The following SLC66A2 variants were observed in gnomAD, a reference collection of about 807,000 sequenced individuals.
The protein encoded by SLC66A2 is PQ loop repeat containing 1.
A neutral mutation model predicts 25.5 loss-of-function variants in SLC66A2; 23 were observed. The ratio of observed to expected loss-of-function variants is 0.90; its 90% CI spans 0.65 to 1.28. The LOEUF (loss-of-function observed/expected upper bound fraction) is 1.28, where lower values mean the gene tolerates loss of function less well. SLC66A2 is among the 50% of genes most tolerant of loss of function. SLC66A2 has a pLI of 0.00. For synonymous variants in SLC66A2, 193 were observed against 166.5 expected, an observed-to-expected ratio of 1.16 and a Z score of -1.23; for missense variants, 396 against 373.1, an observed-to-expected ratio of 1.06 and a Z score of -0.51.
Position 79,903,866 on chromosome 18 carries a change from C to T in SLC66A2, c.*110G>A. 1.1e-6 allele frequency: 1 copy of T among 947,052 alleles called. No individual in the cohort carries two copies. The highest frequency in any genetic ancestry group is 1.6e-6 in the Non-Finnish European group (1 of 638,972). 58.7% of individuals were successfully genotyped at this position (947,052 alleles called of 1,614,324 possible). On this transcript the variant is annotated 3_prime_UTR_variant, in exon 6 of 6. Transcript: ENST00000397778. Reference sequence around the variant, plus strand: ...GCTGATGGAGACCCCAATGCCCATGCCCCATCTCTGCCACACCTGCAGGGG... The same window carrying T: ...GCTGATGGAGACCCCAATGCCCATGTCCCATCTCTGCCACACCTGCAGGGG...
At chr18:79,929,964 G>C (rs1986393740) in intron 4 of SLC66A2, among the ~76,000 whole-genome samples, 1 of 152,160 alleles carries the variant, frequency 6.6e-6, no homozygotes, top group African/African-American at 2.4e-5. Flanking sequence ...AAGGTGGGAT[G>C]ACAGGAAAGG....
Position 79,903,494 on chromosome 18 carries a change from C to G in SLC66A2, c.*482G>C, listed in dbSNP as rs1981537738. 2 of 163,316 alleles carry G rather than the reference C, an allele frequency of 1.2e-5. No individual in the cohort carries two copies. Among genetic ancestry groups the G allele is most frequent in the Non-Finnish European group, 2.6e-5 (2 of 76,142 alleles). The allele number at this position is 163,316 out of a possible 1,614,324, so 10.1% of individuals were successfully genotyped here. A position where few individuals can be genotyped will look rare whatever the true frequency, so the allele number is the denominator to read the frequency against. Reference sequence around the variant, plus strand: ...CCCCAGCCCTCCCCCGTGCCAGACCCCTGGGTAGCAGAGGCCACCCCAGTC... The same window carrying G: ...CCCCAGCCCTCCCCCGTGCCAGACCGCTGGGTAGCAGAGGCCACCCCAGTC... On this transcript the variant is annotated 3_prime_UTR_variant, in exon 6 of 6. Coordinates refer to ENST00000397778, the MANE Select transcript of SLC66A2 (RefSeq NM_025078.5).
chr18:79,939,344 G>A lies in SLC66A2; in HGVS notation c.337+3985C>T, dbSNP rs552012229. Reference sequence around the variant, plus strand: ...CCCTTGGCATGTCCTCACCCTCAGGGTGAGGCTCAAGAATGTACTTGGCAA... The same window carrying A: ...CCCTTGGCATGTCCTCACCCTCAGGATGAGGCTCAAGAATGTACTTGGCAA... On this transcript the variant is annotated intron_variant, in intron 3 of 5. Transcript: ENST00000397778. Among the ~76,000 whole-genome samples the A allele has an allele frequency of 2.3e-4, 35 of 152,274 alleles. No individual in the cohort carries two copies. The South Asian group carries it at 7.3e-3, about 32-fold the overall frequency.
chr18:79,943,478 T>C lies in SLC66A2; in HGVS notation c.204-16A>G, dbSNP rs748544005. ...CCTTCCAAACCTGCGGGAGAGACAC[T>C]GTGTCAGGAGGGAGGTCCACCCATG... On this transcript the variant is annotated splice_polypyrimidine_tract_variant and intron_variant, in intron 2 of 5. Coordinates refer to ENST00000397778, the MANE Select transcript of SLC66A2 (RefSeq NM_025078.5). 2 of 1,610,680 alleles carry C rather than the reference T, an allele frequency of 1.2e-6. No homozygotes were observed. The highest frequency in any genetic ancestry group is 3.3e-5 in the Admixed American group (2 of 59,756).
intron 5 of SLC66A2, among the ~76,000 whole-genome samples, chr18:79,909,676 T>TC (rs1568292331): frequency 1.3e-4 from 10 of 79,162 alleles, no homozygotes; most frequent in East Asian, 4.5e-4. Flanking sequence ...TTCCCCACCA[T>TC]CTCACAACAG....
intron 5 of SLC66A2, among the ~76,000 whole-genome samples, chr18:79,906,206 G>GT (rs1355936974): frequency 6.6e-6 from 1 of 152,122 alleles, no homozygotes; most frequent in South Asian, 2.1e-4. Flanking sequence ...TTTCAGTTTG[G>GT]TTTTTTATGT....
chr18:79,951,015 G>C lies in SLC66A2; in HGVS notation c.-89C>G. The stretch of plus-strand genomic sequence containing the variant: ...TCATCGCCGCTCCGCGCGCTCCTGC[G>C]GCCTCGGGGCCTGCGGGGAGCGGGG... On this transcript the variant is annotated 5_prime_UTR_variant, in exon 2 of 6. Coordinates refer to ENST00000397778, the MANE Select transcript of SLC66A2 (RefSeq NM_025078.5). The C allele has an allele frequency of 1.0e-6, 1 of 996,230 alleles. No individual in the cohort carries two copies. Among genetic ancestry groups the C allele is most frequent in the South Asian group, 2.5e-5 (1 of 40,582 alleles). The allele number at this position is 996,230 out of a possible 1,614,324, so 61.7% of individuals were successfully genotyped here. A position where few individuals can be genotyped will look rare whatever the true frequency, so the allele number is the denominator to read the frequency against.
In SLC66A2 at chr18:79,926,931, C is replaced by T. The variant is rs138053475; in HGVS notation, c.391+7038G>A. Among the ~76,000 whole-genome samples, 476 of 152,240 alleles carry T rather than the reference C, an allele frequency of 3.1e-3. 2 individuals carry two copies. Among genetic ancestry groups the T allele is most frequent in the Non-Finnish European group, 5.7e-3 (389 of 68,014 alleles). On this transcript the variant is annotated intron_variant, in intron 4 of 5. Coordinates refer to ENST00000397778, the MANE Select transcript of SLC66A2 (RefSeq NM_025078.5). ...AGCACTTTGGCGCTCCCTGGAGTGA[C>T]GGCCATTCCCAGCAGCTAAACTGTA...
chr18:79,948,377 C>T (rs1161557996), intron 2 of SLC66A2, among the ~76,000 whole-genome samples: 1 of 152,144 alleles, frequency 6.6e-6, no homozygotes, highest in Non-Finnish European at 1.5e-5. Flanking sequence ...TTTTTTGAGA[C>T]AGGGTCTCTC....
intron 5 of SLC66A2, among the ~76,000 whole-genome samples, chr18:79,914,047 T>C (rs1048872997): frequency 1.3e-5 from 2 of 152,184 alleles, no homozygotes; most frequent in Non-Finnish European, 2.9e-5. Flanking sequence ...TAGCTGGGAT[T>C]ACAGACGCCT....
chr18:79,910,705 C>T (rs1982982886), intron 5 of SLC66A2, among the ~76,000 whole-genome samples: 2 of 152,160 alleles, frequency 1.3e-5, no homozygotes. Context: ...AACGTGGCAC[C>T]CCGGAGAATC....
intron 5 of SLC66A2, among the ~76,000 whole-genome samples, chr18:79,913,995 G>A (rs939023015): frequency 2.6e-5 from 4 of 152,198 alleles, no homozygotes; most frequent in Non-Finnish European, 2.9e-5. Context: ...TGCAACCTCC[G>A]CCCCCCAGGT....
intron 5 of SLC66A2, 86 bp downstream of exon 5, chr18:79,919,096 GAC>G: frequency 1.7e-6 from 2 of 1,194,918 alleles, no homozygotes; most frequent in Middle Eastern, 5.3e-4. Context: ...TACACAGCCA[GAC>G]ACACAGGCGT....
rs1404135550 is a variant in SLC66A2, at chr18:79,937,021, G to C, written c.338-2999C>G. On this transcript the variant is annotated intron_variant, in intron 3 of 5. Coordinates refer to ENST00000397778, the MANE Select transcript of SLC66A2 (RefSeq NM_025078.5). This position sits in a 1 kb window ranked among gnomAD's most constrained non-coding sequence, Gnocchi z 5.4. The stretch of plus-strand genomic sequence containing the variant: ...AGAAGGGAGGCAGAGCTCAGGCTAA[G>C]CGACACAGCCAGGCCTGGAGGTTTG... 6.6e-6 allele frequency among the ~76,000 whole-genome samples: 1 copy of C among 152,180 alleles called. No homozygotes were observed. The highest frequency in any genetic ancestry group is 1.5e-5 in the Non-Finnish European group (1 of 68,034).
chr18:79,925,520 A>G (rs12968139), intron 4 of SLC66A2, among the ~76,000 whole-genome samples: 56,204 of 152,164 alleles, frequency 0.37, 11,698 homozygotes, highest in East Asian at 0.49. Context: ...CCACCCTGGC[A>G]TGCACTGAGC....
At position 79,921,825 on chromosome 18, in the gene SLC66A2, GGTCAGAGGAGGAGAGACAGGA is replaced by G. The variant is rs1357608557; in HGVS notation, c.392-2446_392-2426del. ...AGACAGGAACCGAGGGAGAGGTCAG[GGTCAGAGGAGGAGAGACAGGA>G]ACCGAGGGAGAGGTCAAGGTCAGTG... On this transcript the variant is annotated intron_variant, in intron 4 of 5. Coordinates refer to ENST00000397778, the MANE Select transcript of SLC66A2 (RefSeq NM_025078.5). Among the ~76,000 whole-genome samples, 30 of 22,552 alleles carry G rather than the reference GGTCAGAGGAGGAGAGACAGGA, an allele frequency of 1.3e-3. 9 individuals carry two copies. Among genetic ancestry groups the G allele is most frequent in the African/African-American group, 2.5e-3 (30 of 11,768 alleles). 14.8% of individuals were successfully genotyped at this position (22,552 alleles called of 152,430 possible).
chr18:79,904,925 C>T lies in SLC66A2; in HGVS notation c.609-742G>A, dbSNP rs1221038625. ...CCAGAGGCAGAGCCTGGGTGGGGAG[C>T]GCTGCCTGGACAGAAAGGACAGGAC... On this transcript the variant is annotated intron_variant, in intron 5 of 5. Transcript: ENST00000397778. This position sits in a 1 kb window ranked among gnomAD's most constrained non-coding sequence, Gnocchi z 6.3. Among the ~76,000 whole-genome samples the T allele has an allele frequency of 1.3e-5, 2 of 152,164 alleles. No homozygotes were observed. The highest frequency in any genetic ancestry group is 4.8e-5 in the African/African-American group (2 of 41,450).
intron 3 of SLC66A2, among the ~76,000 whole-genome samples, chr18:79,935,806 G>A (rs201936489): frequency 2.0e-5 from 3 of 152,304 alleles, no homozygotes; most frequent in Admixed American, 2.0e-4. Flanking sequence ...GAGGGAGAGA[G>A]AGAGAGAGAG....
At chr18:79,936,866 C>T (rs1212226011) in intron 3 of SLC66A2, among the ~76,000 whole-genome samples, 1 of 152,162 alleles carries the variant, frequency 6.6e-6, no homozygotes, top group African/African-American at 2.4e-5. Context: ...CCTCCACCCC[C>T]AATAAAACAA....
Sources: allele counts gnomAD v4.1 joint callset (sites outside exome capture counted in the v4.1 genomes callset), GRCh38; gene constraint gnomAD v4.1.1; non-coding constraint Gnocchi (gnomAD v3.1); transcripts MANE v1.5; gene names NCBI Gene and HGNC (gene_info 2026-07-23, HGNC 2026-07-21).